The following CTNNA2 variants were observed in gnomAD, a reference collection of about 807,000 sequenced individuals.
CTNNA2 encodes catenin alpha 2.
A neutral mutation model predicts 101.0 loss-of-function variants in CTNNA2; 42 were observed. The ratio of observed to expected loss-of-function variants is 0.42; its 90% CI spans 0.32 to 0.54. CTNNA2 has a LOEUF of 0.54. Ranked by LOEUF, CTNNA2 falls within the 20% of genes least tolerant of loss-of-function variation. The probability of loss-of-function intolerance (pLI) is 0.14; values close to 1 mark genes in which losing one functional copy is unlikely to be tolerated. For missense variants in CTNNA2, 871 were observed against 1,223.1 expected (o/e 0.71, Z 4.29); for synonymous variants, 450 against 456.4 (o/e 0.99, Z 0.18).
At chr2:79,469,334 A>C (rs1670973276) in intron 4 of CTNNA2, among the ~76,000 whole-genome samples, 1 of 152,214 alleles carries the variant, frequency 6.6e-6, no homozygotes, top group Non-Finnish European at 1.5e-5. Context: ...ACCAGGAAGA[A>C]GTTCAATCTC....
intron 2 of CTNNA2, among the ~76,000 whole-genome samples, chr2:79,660,570 C>T (rs550760585): frequency 6.6e-6 from 1 of 152,014 alleles, no homozygotes; most frequent in Non-Finnish European, 1.5e-5. Flanking sequence ...GGTATGTATA[C>T]CCAAAGTAGT....
At chr2:80,604,012 G>A in intron 15 of CTNNA2, 62 bp from the exon 16 acceptor site, 1 of 1,369,706 alleles carries the variant, frequency 7.3e-7, no homozygotes, top group Non-Finnish European at 1.0e-6. Flanking sequence ...AAAGGATATG[G>A]TAGGTTGGTC....
At chr2:79,467,459 T>G (rs1376908183) in intron 4 of CTNNA2, among the ~76,000 whole-genome samples, 2 of 152,174 alleles carry the variant, frequency 1.3e-5, no homozygotes, top group East Asian at 3.8e-4. Context: ...CTCTGCAGGA[T>G]ATTATCCAGG....
chr2:80,469,012 G>T (rs1685079781), intron 9 of CTNNA2, among the ~76,000 whole-genome samples: 1 of 152,160 alleles, frequency 6.6e-6, no homozygotes, highest in Non-Finnish European at 1.5e-5. Context: ...GTGTCAGGAG[G>T]CAGGACGGAG....
chr2:80,135,028 A>G (rs931527209), intron 7 of CTNNA2, among the ~76,000 whole-genome samples: 1 of 152,164 alleles, frequency 6.6e-6, no homozygotes, highest in Non-Finnish European at 1.5e-5. Context: ...TTAAAATGTG[A>G]TCTGCATATT....
In CTNNA2 at chr2:80,574,303, C is replaced by A; in HGVS notation, c.1882C>A (p.Leu628Met). ...DGVRDIRKAV[L>M]MIRTPEELED... ...CGTTCGGGACATCAGAAAGGCTGTG[C>A]TGATGATCAGGGTATGTGAGGCCTC... Residue 628 changes from leucine to methionine, a missense_variant, in exon 13 of 19, where the codon CTG (leucine) becomes ATG (methionine). By Grantham distance (15) the Leu-to-Met change is conservative. Coordinates refer to ENST00000402739, the MANE Select transcript of CTNNA2 (RefSeq NM_001282597.3). The A allele has an allele frequency of 6.2e-7, 1 of 1,611,964 alleles. No homozygotes were observed. Among genetic ancestry groups the A allele is most frequent in the Non-Finnish European group, 8.5e-7 (1 of 1,178,474 alleles).
intron 3 of CTNNA2, among the ~76,000 whole-genome samples, chr2:79,330,980 C>T (rs1396047376): frequency 2.0e-5 from 3 of 152,168 alleles, no homozygotes; most frequent in Non-Finnish European, 4.4e-5. Context: ...CCTCATAAAG[C>T]TCTTAAGTTA....
chr2:80,093,219 T>G (rs1248254413), intron 7 of CTNNA2, among the ~76,000 whole-genome samples: 1 of 152,118 alleles, frequency 6.6e-6, no homozygotes, highest in African/African-American at 2.4e-5. Flanking sequence ...GTGTTCTCAT[T>G]GTTCAATTCC....
chr2:79,507,701 C>G (rs1671443679), intron 5 of CTNNA2, among the ~76,000 whole-genome samples: 1 of 152,102 alleles, frequency 6.6e-6, no homozygotes, highest in Non-Finnish European at 1.5e-5. Flanking sequence ...AGCTGTGAGT[C>G]AAAGAACAGG....
intron 7 of CTNNA2, among the ~76,000 whole-genome samples, chr2:79,983,676 G>A (rs1180700611): frequency 6.6e-6 from 1 of 150,864 alleles, no homozygotes; most frequent in South Asian, 2.1e-4. Context: ...TAAGAACCTC[G>A]GAATGAATCC....
chr2:79,541,683 G>T (rs1315902707), intron 1 of CTNNA2, among the ~76,000 whole-genome samples: 2 of 150,916 alleles, frequency 1.3e-5, no homozygotes, highest in Non-Finnish European at 2.9e-5. Flanking sequence ...CTGGAGTGCA[G>T]TGGCATGATC....
chr2:79,490,992 A>C (rs1246991095), intron 4 of CTNNA2, among the ~76,000 whole-genome samples: 1 of 152,166 alleles, frequency 6.6e-6, no homozygotes, highest in East Asian at 1.9e-4. Context: ...TTTCTGTGAA[A>C]CTGTAATTAT....
At chr2:80,457,294 C>T (rs1482200944) in intron 9 of CTNNA2, among the ~76,000 whole-genome samples, 2 of 152,056 alleles carry the variant, frequency 1.3e-5, no homozygotes, top group African/African-American at 2.4e-5. Flanking sequence ...AAACTCCTGA[C>T]CTCAGGTTTT....
intron 1 of CTNNA2, among the ~76,000 whole-genome samples, chr2:79,604,708 C>T (rs1006697056): frequency 6.6e-6 from 1 of 152,158 alleles, no homozygotes; most frequent in Non-Finnish European, 1.5e-5. Flanking sequence ...ACGTTTGGGT[C>T]TAACAAATGT....
intron 9 of CTNNA2, 73 bp from the exon 10 acceptor site, chr2:80,544,909 G>T (rs901280507): frequency 1.6e-6 from 2 of 1,263,582 alleles, no homozygotes; most frequent in Non-Finnish European, 1.1e-6. Context: ...TGCCAGAGAA[G>T]GTCCAAGGCG....
At chr2:79,274,628 T>C (rs1317778251) in intron 2 of CTNNA2, among the ~76,000 whole-genome samples, 3 of 152,068 alleles carry the variant, frequency 2.0e-5, no homozygotes, top group Admixed American at 6.6e-5. Context: ...TGAAACAATA[T>C]ACACATAGCT....
At chr2:80,398,620 C>T (rs1204206504) in intron 8 of CTNNA2, among the ~76,000 whole-genome samples, 3 of 149,092 alleles carry the variant, frequency 2.0e-5, no homozygotes, top group African/African-American at 7.5e-5. Flanking sequence ...TTTGGGAGGT[C>T]GAGACAGGAG....
rs540855725 is a variant in CTNNA2 at position 79,732,183 on chromosome 2, G to A, written c.103-12204G>A. Reference sequence around the variant, plus strand: ...CATAAGAAAAAGTTTGAAATCTGACGTGAAAAACTTCAGATTTGTGATGTT... The same window carrying A: ...CATAAGAAAAAGTTTGAAATCTGACATGAAAAACTTCAGATTTGTGATGTT... On this transcript the variant is annotated intron_variant, in intron 2 of 18. Transcript: ENST00000402739. 1.2e-4 allele frequency among the ~76,000 whole-genome samples: 18 copies of A among 152,084 alleles called. 1 individual carries two copies. In the East Asian group the frequency reaches 3.5e-3, roughly 29 times the overall value.
chr2:79,301,059 C>T (rs1573053074), intron 2 of CTNNA2, among the ~76,000 whole-genome samples: 1 of 152,196 alleles, frequency 6.6e-6, no homozygotes, highest in African/African-American at 2.4e-5. Flanking sequence ...ATCAACTTCA[C>T]TTGAATTTGG....
Sources: gnomAD v4.1 joint callset for allele counts (sites outside exome capture counted in the v4.1 genomes callset) on GRCh38, gnomAD v4.1.1 for gene constraint, MANE v1.5 for transcripts, NCBI Gene and HGNC (gene_info 2026-07-23, HGNC 2026-07-21) for gene names.